SPECC1: variants seen among roughly 807,000 people sequenced by gnomAD.
The protein encoded by SPECC1 is sperm antigen with calponin homology and coiled-coil domains 1, also known as cytospin-B.
A neutral mutation model predicts 104.1 loss-of-function variants in SPECC1; 62 were observed. The observed-to-expected ratio is 0.60, with a 90% CI of 0.49 to 0.74. The LOEUF is 0.74. Among genes scored for constraint, SPECC1 ranks in the 30% least tolerant of loss-of-function variants. The probability of loss-of-function intolerance (pLI) is 0.00; values close to 1 mark genes in which losing one functional copy is unlikely to be tolerated. For missense variants in SPECC1, 1,306 were observed against 1,310.5 expected (o/e 1.00, Z 0.05); for synonymous variants, 513 against 501.6 (o/e 1.02, Z -0.30).
chr17:20,223,019 T>C (rs1318760894), intron 4 of SPECC1, among the ~76,000 whole-genome samples: 1 of 152,198 alleles, frequency 6.6e-6, no homozygotes, highest in Non-Finnish European at 1.5e-5. Flanking sequence ...AATGTCTTAC[T>C]TGGGCAAAGT....
At chr17:20,193,314 G>C (rs996559370) in intron 3 of SPECC1, among the ~76,000 whole-genome samples, 1 of 152,090 alleles carries the variant, frequency 6.6e-6, no homozygotes, top group Admixed American at 6.6e-5. Context: ...CTCATCCTGT[G>C]ACTTAGAATG....
At chr17:20,040,164 TACAC>T (rs1196347325) in intron 1 of SPECC1, among the ~76,000 whole-genome samples, 2 of 150,442 alleles carry the variant, frequency 1.3e-5, no homozygotes, top group Non-Finnish European at 1.5e-5. Context: ...TATATATATA[TACAC>T]ACACATATAC....
chr17:20,086,493 C>A (rs1001506468), intron 1 of SPECC1, among the ~76,000 whole-genome samples: 7 of 152,182 alleles, frequency 4.6e-5, no homozygotes, highest in African/African-American at 1.7e-4. Context: ...AATTAAGCCA[C>A]TAGGGGACTT....
rs2142243006 is a variant in SPECC1, at chr17:20,312,542, C to T, written c.3118-1434C>T. 3.3e-5 allele frequency among the ~76,000 whole-genome samples: 5 copies of T among 152,236 alleles called. No individual in the cohort carries two copies. The South Asian group carries it at 1.0e-3, about 32-fold the overall frequency. ...TCTCTTGTGTTTGTAGGTATCCCTTCTTTTCCCAGAGCTCATCTATGTCCA... is the reference window on the plus strand; with the variant it reads ...TCTCTTGTGTTTGTAGGTATCCCTTTTTTTCCCAGAGCTCATCTATGTCCA... On this transcript the variant is annotated intron_variant, in intron 14 of 14. Transcript: ENST00000395527.
chr17:20,092,746 G>A (rs566680743), intron 1 of SPECC1, among the ~76,000 whole-genome samples: 81 of 152,316 alleles, frequency 5.3e-4, no homozygotes, highest in Non-Finnish European at 1.0e-3. Context: ...TGATGGACTT[G>A]TTCTCCTTTC....
At chr17:20,212,423 G>C (rs565720565) in intron 4 of SPECC1, among the ~76,000 whole-genome samples, 1 of 152,212 alleles carries the variant, frequency 6.6e-6, no homozygotes, top group Non-Finnish European at 1.5e-5. Context: ...GTTCCACTTG[G>C]CTGGGGATGC....
In SPECC1 at chr17:20,009,585, G is replaced by A. The variant is rs985884943; in HGVS notation, c.-22+161G>A. 6.6e-6 allele frequency among the ~76,000 whole-genome samples: 1 copy of A among 152,094 alleles called. No homozygotes were observed. The highest frequency in any genetic ancestry group is 2.1e-4 in the South Asian group (1 of 4,834). On this transcript the variant is annotated intron_variant, in intron 1 of 14. Coordinates refer to ENST00000395527, the MANE Select transcript of SPECC1 (RefSeq NM_001243439.2). This position sits in a 1 kb window ranked among gnomAD's most constrained non-coding sequence, Gnocchi z 5.2. ...GGCGTGCTGCGTCTTCGCCGCGGGG[G>A]CCCCGGTCCCCTCGTCGCGTGTCCT...
At chr17:20,127,684 T>TAAA (rs1013793807) in intron 3 of SPECC1, among the ~76,000 whole-genome samples, 2 of 152,228 alleles carry the variant, frequency 1.3e-5, no homozygotes, top group African/African-American at 4.8e-5. Context: ...AGGAGGGCAT[T>TAAA]AAAGCCTGAA....
intron 12 of SPECC1, among the ~76,000 whole-genome samples, chr17:20,263,703 G>A (rs1335787505): frequency 1.3e-5 from 2 of 152,188 alleles, no homozygotes; most frequent in African/African-American, 2.4e-5. Context: ...GATGCCGCCT[G>A]TGCTGTTCCC....
At chr17:20,047,303 C>T (rs921246927) in intron 1 of SPECC1, among the ~76,000 whole-genome samples, 30 of 152,178 alleles carry the variant, frequency 2.0e-4, no homozygotes, top group African/African-American at 7.2e-4. Context: ...ATTCTTTTGT[C>T]TTCAGACTCC....
chr17:20,253,521 G>A lies in SPECC1; in HGVS notation c.2615G>A (p.Ser872Asn). ...TTTTTACAGAGGCATTCGACTTACA[G>A]CAGTGTGCGGCCAGCCAGCAGAGGG... ...VSPMQRHSTY[S>N]SVRPASRGVT... The change falls in exon 10 of 15, where the codon AGC becomes AAC. Residue 872 changes from serine (S) to asparagine (N), a missense_variant. Transcript: ENST00000395527. 6.2e-7 allele frequency: 1 copy of A among 1,614,030 alleles called. No individual in the cohort carries two copies. The highest frequency in any genetic ancestry group is 1.1e-5 in the South Asian group (1 of 91,066).
chr17:20,190,018 T>G (rs914740494), intron 3 of SPECC1, among the ~76,000 whole-genome samples: 3 of 152,174 alleles, frequency 2.0e-5, no homozygotes, highest in Non-Finnish European at 2.9e-5. Flanking sequence ...CAAAGACAAT[T>G]TCTATTGACT....
chr17:20,237,174 A>C (rs906373500), intron 7 of SPECC1: 1 of 1,333,390 alleles, frequency 7.5e-7, no homozygotes, highest in Non-Finnish European at 9.6e-7. Flanking sequence ...TTCTGAAAAA[A>C]ACAAAGTACA....
At position 20,041,682 on chromosome 17, in the gene SPECC1, C is replaced by T. The variant is rs148634415; in HGVS notation, c.-22+32258C>T. 1.8e-3 allele frequency among the ~76,000 whole-genome samples: 215 copies of T among 120,584 alleles called. 6 individuals are homozygous for T. Among genetic ancestry groups the T allele is most frequent in the Non-Finnish European group, 5.9e-4 (37 of 62,642 alleles). 79.1% of individuals were successfully genotyped at this position (120,584 alleles called of 152,430 possible). ...TTGCTCTGTTGCCCAGGCTGGAGTG[C>T]GGTGGTGCGATCTCGGCTCACTGCT... On this transcript the variant is annotated intron_variant, in intron 1 of 14. Coordinates refer to ENST00000395527, the MANE Select transcript of SPECC1 (RefSeq NM_001243439.2).
At chr17:20,266,184 T>C (rs1400923924) in intron 12 of SPECC1, among the ~76,000 whole-genome samples, 2 of 152,244 alleles carry the variant, frequency 1.3e-5, no homozygotes, top group African/African-American at 4.8e-5. Flanking sequence ...ATTTGAATGA[T>C]ACTGATTTTT....
At chr17:20,167,181 TA>T (rs1411111823) in intron 3 of SPECC1, among the ~76,000 whole-genome samples, 7 of 147,988 alleles carry the variant, frequency 4.7e-5, no homozygotes, top group African/African-American at 1.5e-4. Context: ...GTGTATGTAA[TA>T]TGTTAGCTAC....
chr17:20,218,599 T>C (rs536464760), intron 4 of SPECC1, among the ~76,000 whole-genome samples: 9 of 152,208 alleles, frequency 5.9e-5, no homozygotes, highest in Admixed American at 4.6e-4. Context: ...TCCTGTCCTT[T>C]CCCTCCGTCC....
chr17:20,208,588 G>A (rs1425831678), intron 4 of SPECC1, among the ~76,000 whole-genome samples: 2 of 152,200 alleles, frequency 1.3e-5, no homozygotes, highest in Non-Finnish European at 2.9e-5. Flanking sequence ...GCTGGACTGG[G>A]TCCTCTTGAC....
chr17:20,298,948 A>AGAGAGAGAGAGT lies in SPECC1; in HGVS notation c.3057+1872_3057+1873insAGAGAGAGAGTG. Among the ~76,000 whole-genome samples, 259 of 49,054 alleles carry AGAGAGAGAGAGT rather than the reference A, an allele frequency of 5.3e-3. 7 individuals carry two copies. Among genetic ancestry groups the AGAGAGAGAGAGT allele is most frequent in the African/African-American group, 0.023 (244 of 10,780 alleles). 32.2% of individuals were successfully genotyped at this position (49,054 alleles called of 152,430 possible). ...GAGAGAGAGAGAGAGAGAGAGAGAGAGTGTGTGTGTGTGTGTGTGTGTGTA... is the reference window on the plus strand; with the variant it reads ...GAGAGAGAGAGAGAGAGAGAGAGAGAGAGAGAGAGAGTGTGTGTGTGTGTGTGTGTGTGTGTA... On this transcript the variant is annotated intron_variant, in intron 13 of 14. Coordinates refer to ENST00000395527, the MANE Select transcript of SPECC1 (RefSeq NM_001243439.2).
Sources: allele counts gnomAD v4.1 joint callset (sites outside exome capture counted in the v4.1 genomes callset), GRCh38; gene constraint gnomAD v4.1.1; non-coding constraint Gnocchi (gnomAD v3.1); transcripts MANE v1.5; gene names NCBI Gene and HGNC (gene_info 2026-07-23, HGNC 2026-07-21).